The following CACNA1D variants were observed in gnomAD, a reference collection of about 807,000 sequenced individuals.
CACNA1D encodes the protein calcium voltage-gated channel subunit alpha1 D, also known as voltage-dependent L-type calcium channel subunit alpha-1D.
Under a neutral mutation model 257.1 loss-of-function variants are expected in CACNA1D, and 55 were observed. The ratio of observed to expected loss-of-function variants is 0.21; its 90% CI spans 0.17 to 0.27. The LOEUF is 0.27. Among genes scored for constraint, CACNA1D ranks in the 10% least tolerant of loss-of-function variants. The pLI is 1.00. For missense variants in CACNA1D, 1,876 were observed against 2,784.0 expected (o/e 0.67, Z 7.34); for synonymous variants, 980 against 1,014.9 (o/e 0.97, Z 0.65).
intron 3 of CACNA1D, among the ~76,000 whole-genome samples, chr3:53,562,927 A>G (rs1471100790): frequency 6.6e-6 from 1 of 152,248 alleles, no homozygotes; most frequent in African/African-American, 2.4e-5. Context: ...TAGCCTTTAT[A>G]CAAGGCTGAA....
At chr3:53,766,003 A>G (rs1478077942) in intron 30 of CACNA1D, 1 of 152,274 alleles carries the variant, frequency 6.6e-6, no homozygotes, top group African/African-American at 2.4e-5. Flanking sequence ...TGACCCAGCA[A>G]CATACTGTCC....
chr3:53,516,491 G>A (rs940534448), intron 3 of CACNA1D, among the ~76,000 whole-genome samples: 3 of 152,198 alleles, frequency 2.0e-5, no homozygotes, highest in South Asian at 2.1e-4. Flanking sequence ...ACAGCATAGC[G>A]CTGTGTGGAA....
At chr3:53,642,471 T>C (rs780058249) in intron 3 of CACNA1D, among the ~76,000 whole-genome samples, 7 of 152,236 alleles carry the variant, frequency 4.6e-5, no homozygotes, top group Non-Finnish European at 1.5e-5. Context: ...GAGCAGTTCC[T>C]GGGGGAAGGT....
At chr3:53,694,515 C>T (rs1559527337) in intron 8 of CACNA1D, among the ~76,000 whole-genome samples, 1 of 152,146 alleles carries the variant, frequency 6.6e-6, no homozygotes, top group African/African-American at 2.4e-5. Flanking sequence ...TGGTTAGTAA[C>T]GCTGTTGTTC....
chr3:53,632,883 G>A (rs1410948616), intron 3 of CACNA1D, among the ~76,000 whole-genome samples: 1 of 152,186 alleles, frequency 6.6e-6, no homozygotes, highest in Admixed American at 6.5e-5. Flanking sequence ...TCGAGGATAA[G>A]TGATCATAGA....
At chr3:53,634,885 C>T (rs2093863903) in intron 3 of CACNA1D, among the ~76,000 whole-genome samples, 1 of 152,174 alleles carries the variant, frequency 6.6e-6, no homozygotes, top group Admixed American at 6.5e-5. Context: ...TCTTCACCAT[C>T]CTCATGGCTG....
intron 2 of CACNA1D, among the ~76,000 whole-genome samples, chr3:53,499,398 T>G (rs944752776): frequency 6.6e-6 from 1 of 152,124 alleles, no homozygotes; most frequent in African/African-American, 2.4e-5. Flanking sequence ...GGCAGCTCTG[T>G]CAAGGCCCCA....
intron 3 of CACNA1D, among the ~76,000 whole-genome samples, chr3:53,585,756 G>C (rs1027272049): frequency 6.6e-6 from 1 of 152,148 alleles, no homozygotes; most frequent in African/African-American, 2.4e-5. Context: ...GGTCCACGCA[G>C]ACAGGGCTGT....
At chr3:53,772,355 A>G (rs2095370979) in intron 32 of CACNA1D, among the ~76,000 whole-genome samples, 1 of 152,200 alleles carries the variant, frequency 6.6e-6, no homozygotes, top group Non-Finnish European at 1.5e-5. Flanking sequence ...TTAAGGAAAT[A>G]CTTCAGCAGA....
At chr3:53,613,694 T>G (rs1376315336) in intron 3 of CACNA1D, among the ~76,000 whole-genome samples, 1 of 152,080 alleles carries the variant, frequency 6.6e-6, no homozygotes, top group Non-Finnish European at 1.5e-5. Flanking sequence ...TGGAAATGTC[T>G]TCTTGTCCCA....
At chr3:53,696,929 A>T (rs1440717071) in intron 8 of CACNA1D, among the ~76,000 whole-genome samples, 3 of 119,176 alleles carry the variant, frequency 2.5e-5, no homozygotes, top group African/African-American at 3.7e-5. Flanking sequence ...ACCAGGGGGA[A>T]GTCTGGGTCT....
chr3:53,700,024 A>G (rs933619415), intron 8 of CACNA1D, among the ~76,000 whole-genome samples: 3 of 150,604 alleles, frequency 2.0e-5, no homozygotes, highest in Non-Finnish European at 4.4e-5. Flanking sequence ...AAGCTTAAGG[A>G]CGTTCATTTT....
intron 3 of CACNA1D, among the ~76,000 whole-genome samples, chr3:53,563,899 A>C (rs533299081): frequency 1.0e-3 from 154 of 152,280 alleles, no homozygotes; most frequent in Non-Finnish European, 2.0e-3. Flanking sequence ...TGTAGGCATG[A>C]AATTTCAGGG....
intron 4 of CACNA1D, 66 bp downstream of exon 4, chr3:53,650,984 G>C: frequency 7.4e-7 from 1 of 1,359,672 alleles, no homozygotes; most frequent in Non-Finnish European, 1.1e-6. Flanking sequence ...GGGGGGGGTG[G>C]TGGTAACAAA....
At chr3:53,738,047 A>AGATATTATC (rs1346819148) in intron 20 of CACNA1D, among the ~76,000 whole-genome samples, 1 of 152,202 alleles carries the variant, frequency 6.6e-6, no homozygotes, top group African/African-American at 2.4e-5. Flanking sequence ...TCTCAGGCCT[A>AGATATTATC]GATATTATCG....
chr3:53,804,042 G>A (rs2095549548), intron 44 of CACNA1D, among the ~76,000 whole-genome samples: 1 of 152,190 alleles, frequency 6.6e-6, no homozygotes, highest in South Asian at 2.1e-4. Context: ...AAGAAATGAG[G>A]GGTCACTCAG....
rs1298571227 is a variant in CACNA1D, at chr3:53,495,696, C to A, written c.67+463C>A. Among the ~76,000 whole-genome samples the A allele has an allele frequency of 6.6e-6, 1 of 152,258 alleles. No homozygotes were observed. The highest frequency in any genetic ancestry group is 1.5e-5 in the Non-Finnish European group (1 of 68,046). ...AAAATTCTAGGATTGCCCGGTTTCG[C>A]CCTCCGCGCCGGTGGGTGAAGCACA... On this transcript the variant is annotated intron_variant, in intron 1 of 47. Transcript: ENST00000350061. This position sits in a 1 kb window ranked among gnomAD's most constrained non-coding sequence, Gnocchi z 5.1.
chr3:53,661,339 A>G (rs2094201834), intron 5 of CACNA1D, among the ~76,000 whole-genome samples: 1 of 152,034 alleles, frequency 6.6e-6, no homozygotes, highest in Admixed American at 6.6e-5. Context: ...CTGGAAAAAA[A>G]AATTTCCAAA....
chr3:53,542,247 A>G (rs1454559301), intron 3 of CACNA1D, among the ~76,000 whole-genome samples: 2 of 151,316 alleles, frequency 1.3e-5, no homozygotes, highest in Non-Finnish European at 2.9e-5. Context: ...TTTTCCCTGT[A>G]GGTTTCATAG....
Sources: gnomAD v4.1 joint callset for allele counts (sites outside exome capture counted in the v4.1 genomes callset) on GRCh38, gnomAD v4.1.1 for gene constraint, Gnocchi (gnomAD v3.1) non-coding constraint, MANE v1.5 for transcripts, NCBI Gene and HGNC (gene_info 2026-07-23, HGNC 2026-07-21) for gene names.